Variants in PCDHA10 observed in about 807,000 individuals in gnomAD.
The protein encoded by PCDHA10 is protocadherin alpha-10.
A neutral mutation model predicts 61.2 loss-of-function variants in PCDHA10; 45 were observed. The observed-to-expected ratio is 0.74, with a 90% confidence interval of 0.58 to 0.94. PCDHA10 has a LOEUF of 0.94. Among genes scored for constraint, PCDHA10 ranks in the 40% least tolerant of loss-of-function variants. The pLI is 0.00. For missense variants in PCDHA10, 1,278 were observed against 1,236.2 expected (o/e 1.03, Z -0.51); for synonymous variants, 602 against 548.8 (o/e 1.10, Z -1.35).
intron 1 of PCDHA10, among the ~76,000 whole-genome samples, chr5:140,889,648 A>G (rs1414947366): frequency 6.6e-6 from 1 of 152,094 alleles, no homozygotes; most frequent in African/African-American, 2.4e-5. Flanking sequence ...TGTTTGCAGG[A>G]GATGTCCTCT....
Position 140,978,953 on chromosome 5 carries a change from G to T in PCDHA10, c.2393G>T (p.Arg798Leu), listed in dbSNP as rs781913955. The T allele has an allele frequency of 6.2e-7, 1 of 1,614,048 alleles. No individual in the cohort carries two copies. Among genetic ancestry groups the T allele is most frequent in the Admixed American group, 1.7e-5 (1 of 59,996 alleles). The change falls in exon 2 of 4, where the codon CGA becomes CTA. Residue 798 changes from arginine to leucine, a missense_variant. Physicochemically the swap from Arg to Leu is moderately radical, Grantham distance 102 (BLOSUM62 -2). Coordinates refer to ENST00000307360, the MANE Select transcript of PCDHA10 (RefSeq NM_018901.4). ...ACTCTCTTTGTGATTTTGCAGCCAC[G>T]ACAGCCCAACCCTGACTGGCGTTAC... ...SIGGDHSRKP[R>L]QPNPDWRYSA... is the part of the protein sequence containing the mutation.
At chr5:140,886,123 G>A (rs868933605) in intron 1 of PCDHA10, among the ~76,000 whole-genome samples, 53 of 152,236 alleles carry the variant, frequency 3.5e-4, no homozygotes, top group African/African-American at 1.2e-3. Flanking sequence ...ACATAGTTCC[G>A]TAACAACCAG....
At chr5:140,911,785 T>C (rs1334155529) in intron 1 of PCDHA10, among the ~76,000 whole-genome samples, 1 of 152,180 alleles carries the variant, frequency 6.6e-6, no homozygotes, top group Non-Finnish European at 1.5e-5. Context: ...CTTAGCATTT[T>C]TGGGTCTAAT....
chr5:140,949,809 G>A (rs782774481), intron 1 of PCDHA10, among the ~76,000 whole-genome samples: 1 of 151,712 alleles, frequency 6.6e-6, no homozygotes. Flanking sequence ...TACATTATTT[G>A]CTTTCTATTT....
chr5:140,866,929 A>C (rs1189639503), intron 1 of PCDHA10: 1 of 152,160 alleles, frequency 6.6e-6, no homozygotes, highest in African/African-American at 2.4e-5. Context: ...CAAAGGGCGC[A>C]TAATCTCTTC....
At position 140,988,717 on chromosome 5, in the gene PCDHA10, T is replaced by C. The variant is rs79402139; in HGVS notation, c.2536+6154T>C. Among the ~76,000 whole-genome samples, 1,208 of 152,334 alleles carry C rather than the reference T, an allele frequency of 7.9e-3. 20 individuals carry two copies. Among genetic ancestry groups the C allele is most frequent in the African/African-American group, 0.027 (1,139 of 41,566 alleles). On this transcript the variant is annotated intron_variant, in intron 3 of 3. Transcript: ENST00000307360. ...CTCTGTATTTTCTTGGACCTCTCATTTGCCCCATAGTAATTATTCTAGGAT... is the reference window on the plus strand; with the variant it reads ...CTCTGTATTTTCTTGGACCTCTCATCTGCCCCATAGTAATTATTCTAGGAT...
In PCDHA10 at chr5:140,882,368, T is replaced by C. The variant is rs781902519; in HGVS notation, c.2388+23932T>C. On this transcript the variant is annotated intron_variant, in intron 1 of 3. Transcript: ENST00000307360. ...GACGGGTAGTGGCCAGCTCCACTAC[T>C]CCGTCCCCGAGGAAGCAAAACACGG... 1.9e-6 allele frequency: 3 copies of C among 1,614,218 alleles called. No individual in the cohort carries two copies. The South Asian group carries it at 3.3e-5, about 18-fold the overall frequency.
intron 3 of PCDHA10, among the ~76,000 whole-genome samples, chr5:140,990,735 C>T (rs1554251705): frequency 6.6e-6 from 1 of 152,112 alleles, no homozygotes; most frequent in African/African-American, 2.4e-5. Flanking sequence ...ATATCAACAG[C>T]CCTAGGGTGG....
chr5:140,971,161 C>T (rs189213416), intron 1 of PCDHA10, among the ~76,000 whole-genome samples: 1 of 152,292 alleles, frequency 6.6e-6, no homozygotes, highest in Non-Finnish European at 1.5e-5. Flanking sequence ...CCAGGCTCAG[C>T]TTTGCCACCA....
At chr5:140,979,102 C>G in intron 2 of PCDHA10, 95 bp downstream of exon 2, 1 of 1,541,802 alleles carries the variant, frequency 6.5e-7, no homozygotes. Context: ...GCTGTCAAAA[C>G]TAAAAAGCTT....
At chr5:140,930,403 T>A (rs1337428261) in intron 1 of PCDHA10, 6 of 152,200 alleles carry the variant, frequency 3.9e-5, no homozygotes, top group African/African-American at 1.2e-4. Context: ...CTTTTTTTTT[T>A]TTGAGACAGG....
Position 140,857,722 on chromosome 5 carries a change from C to G in PCDHA10, c.1674C>G (p.Asn558Lys), listed in dbSNP as rs371525843. The G allele has an allele frequency of 7.4e-5, 119 of 1,597,430 alleles. 2 individuals carry two copies. The highest frequency in any genetic ancestry group is 6.2e-4 in the East Asian group (28 of 44,824). Reference protein sequence around the residue: ...LTLQVFVLDENDNAPALLASP... With the variant: ...LTLQVFVLDEKDNAPALLASP... The stretch of plus-strand genomic sequence containing the variant: ...TGCAGGTGTTCGTGCTGGACGAGAA[C>G]GACAACGCTCCCGCGCTGCTGGCGT... The change falls in exon 1 of 4, where the codon AAC (asparagine) becomes AAG (lysine). Residue 558 changes from asparagine (N) to lysine (K), a missense_variant. Physicochemically the swap from Asn to Lys is moderately conservative, Grantham distance 94 (BLOSUM62 0). Transcript: ENST00000307360.
At chr5:140,968,539 C>T (rs781815829) in intron 1 of PCDHA10, 30 of 1,614,078 alleles carry the variant, frequency 1.9e-5, no homozygotes, top group East Asian at 6.7e-5. Context: ...CAGCAGCCTT[C>T]GAGATGGTGC....
At position 140,857,447 on chromosome 5, in the gene PCDHA10, A is replaced by G; in HGVS notation, c.1399A>G (p.Asn467Asp). Residue 467 changes from asparagine to aspartate, a missense_variant, in exon 1 of 4, where the codon AAC becomes GAC. By Grantham distance (23) the Asn-to-Asp change is conservative. Transcript: ENST00000307360. ...SEYTVFVKEN[N>D]PPGCHIFTVS... ...GTACACGGTGTTCGTGAAGGAGAACAACCCGCCAGGCTGCCACATCTTCAC... is the reference window on the plus strand; with the variant it reads ...GTACACGGTGTTCGTGAAGGAGAACGACCCGCCAGGCTGCCACATCTTCAC... 2 of 1,598,502 alleles carry G rather than the reference A, an allele frequency of 1.3e-6. 1 individual carries two copies. The highest frequency in any genetic ancestry group is 1.7e-6 in the Non-Finnish European group (2 of 1,167,850).
chr5:140,895,763 T>C (rs1291731285), intron 1 of PCDHA10, among the ~76,000 whole-genome samples: 2 of 152,170 alleles, frequency 1.3e-5, no homozygotes, highest in East Asian at 1.9e-4. Context: ...TTTTCTTTCT[T>C]TATGGCTGCA....
intron 1 of PCDHA10, among the ~76,000 whole-genome samples, chr5:140,964,454 T>G (rs1392277569): frequency 6.6e-6 from 1 of 152,132 alleles, no homozygotes. Flanking sequence ...CTGTAATCTC[T>G]TCCTTAAGTG....
At chr5:140,911,365 TG>T (rs1554194694) in intron 1 of PCDHA10, among the ~76,000 whole-genome samples, 1 of 152,218 alleles carries the variant, frequency 6.6e-6, no homozygotes, top group East Asian at 1.9e-4. Flanking sequence ...AGTAGACACC[TG>T]GCAAGGCTGT....
intron 1 of PCDHA10, among the ~76,000 whole-genome samples, chr5:140,948,219 T>G (rs1285446038): frequency 6.6e-6 from 1 of 151,682 alleles, no homozygotes; most frequent in Non-Finnish European, 1.5e-5. Context: ...CAAACATTGT[T>G]AGATTTAACT....
At chr5:140,931,021 G>C (rs2153606770) in intron 1 of PCDHA10, among the ~76,000 whole-genome samples, 1 of 152,272 alleles carries the variant, frequency 6.6e-6, no homozygotes, top group Admixed American at 6.5e-5. Flanking sequence ...GGAATTTTCT[G>C]ATTGTAGAGC....
Sources: allele counts gnomAD v4.1 joint callset (sites outside exome capture counted in the v4.1 genomes callset), GRCh38; gene constraint gnomAD v4.1.1; transcripts MANE v1.5; gene names NCBI Gene and HGNC (gene_info 2026-07-23, HGNC 2026-07-21).